Variants in BYSL observed in about 807,000 individuals in gnomAD.
BYSL encodes the protein bystin.
Under a neutral mutation model 45.4 loss-of-function variants are expected in BYSL, and 21 were observed. That is an observed-to-expected ratio of 0.46 (90% confidence interval 0.33 to 0.67). BYSL has a LOEUF of 0.67. BYSL is among the 30% of genes least tolerant of loss of function. The pLI is 0.02. For missense variants in BYSL, 522 were observed against 578.5 expected (o/e 0.90, Z 1.00); for synonymous variants, 215 against 231.3 (o/e 0.93, Z 0.64).
intron 2 of BYSL, among the ~76,000 whole-genome samples, chr6:41,929,809 A>G (rs1775612026): frequency 6.6e-6 from 1 of 152,242 alleles, no homozygotes; most frequent in Non-Finnish European, 1.5e-5. Context: ...AGGTAAAGTA[A>G]CATGCCCAAG....
chr6:41,921,940 T>C (rs1437151463), intron 1 of BYSL, 110 bp downstream of exon 1: 18 of 1,406,408 alleles, frequency 1.3e-5, no homozygotes, highest in Non-Finnish European at 1.6e-5. Flanking sequence ...AAGGGGTCCG[T>C]ATTACACTTG....
At chr6:41,931,014 C>A (rs1356818149) in intron 4 of BYSL, among the ~76,000 whole-genome samples, 2 of 150,612 alleles carry the variant, frequency 1.3e-5, no homozygotes, top group Non-Finnish European at 3.0e-5. Flanking sequence ...TACTGGGATA[C>A]AACCCTCTGT....
At position 41,932,327 on chromosome 6, in the gene BYSL, C is replaced by T. The variant is rs1425010236; in HGVS notation, c.969-34C>T. On this transcript the variant is annotated intron_variant, in intron 6 of 6. Coordinates refer to ENST00000230340, the MANE Select transcript of BYSL (RefSeq NM_004053.4). The surrounding 1 kb of genome is among the most constrained non-coding windows in gnomAD (Gnocchi z 4.7). ...TAGGATCCTTCTTCCAATGTTTTCCCTGCTTACTCTACCCCACCTCCCTTT... is the reference window on the plus strand; with the variant it reads ...TAGGATCCTTCTTCCAATGTTTTCCTTGCTTACTCTACCCCACCTCCCTTT... 1.9e-6 allele frequency: 3 copies of T among 1,578,528 alleles called. No homozygotes were observed. Among genetic ancestry groups the T allele is most frequent in the East Asian group, 4.5e-5 (2 of 44,650 alleles).
upstream of BYSL, chr6:41,921,426 G>A: frequency 7.9e-7 from 1 of 1,264,450 alleles, no homozygotes; most frequent in Non-Finnish European, 1.1e-6. Flanking sequence ...CGCTGATGGC[G>A]CTTCTGGCCT....
At chr6:41,930,530 G>A (rs1775621947) in intron 3 of BYSL, 105 bp from the exon 4 acceptor site, 1 of 1,408,938 alleles carries the variant, frequency 7.1e-7, no homozygotes, top group Non-Finnish European at 9.6e-7. Flanking sequence ...GTTATTGTGG[G>A]GATGCAATGA....
At chr6:41,909,075 G>A in the BYSL span, 6 of 688,640 alleles carry the variant, frequency 8.7e-6, 1 homozygote, top group South Asian at 4.2e-5. Context: ...TTGGGAGACT[G>A]AGGCGGAAGG....
chr6:41,923,889 C>T (rs979628908), intron 1 of BYSL, among the ~76,000 whole-genome samples: 5 of 152,088 alleles, frequency 3.3e-5, no homozygotes, highest in Admixed American at 2.0e-4. Flanking sequence ...GTGCCTTAAA[C>T]GTGGGAAATT....
the BYSL span, among the ~76,000 whole-genome samples, chr6:41,911,878 G>A: frequency 2.6e-5 from 4 of 151,976 alleles, no homozygotes; most frequent in African/African-American, 7.3e-5. Context: ...ATCCAAAGCC[G>A]ACCTCGTCAT....
At chr6:41,913,620 C>T in the BYSL span, among the ~76,000 whole-genome samples, 3 of 152,164 alleles carry the variant, frequency 2.0e-5, no homozygotes, top group African/African-American at 7.2e-5. Context: ...ACATGACAGG[C>T]TGGGTGCAGT....
intron 1 of BYSL, 93 bp downstream of exon 1, chr6:41,921,923 G>C (rs1273009451): frequency 1.4e-6 from 2 of 1,455,352 alleles, no homozygotes; most frequent in Admixed American, 2.4e-5. Flanking sequence ...ATTGCTTCGA[G>C]TCAACAAAGG....
At chr6:41,912,199 C>CTTTTTT in the BYSL span, among the ~76,000 whole-genome samples, 2 of 119,294 alleles carry the variant, frequency 1.7e-5, no homozygotes, top group African/African-American at 3.5e-5. Context: ...CCATGCCCAC[C>CTTTTTT]TTTTTTTTTT....
Position 41,930,684 on chromosome 6 carries a change from T to A in BYSL, c.620T>A (p.Ile207Asn). The A allele has an allele frequency of 6.2e-7, 1 of 1,614,120 alleles. No homozygotes were observed. Among genetic ancestry groups the A allele is most frequent in the Non-Finnish European group, 8.5e-7 (1 of 1,179,984 alleles). Residue 207 changes from isoleucine (I) to asparagine (N), a missense_variant, in exon 4 of 7, where the codon ATC becomes AAC. Physicochemically the swap from Ile to Asn is moderately radical, Grantham distance 149. Coordinates refer to ENST00000230340, the MANE Select transcript of BYSL (RefSeq NM_004053.4). ...SGKLPKAFKI[I>N]PALSNWEQIL... ...AAACTGCCCAAGGCATTTAAGATCA[T>A]CCCTGCACTCTCCAACTGGGAGCAA...
the BYSL span, among the ~76,000 whole-genome samples, chr6:41,915,735 C>T: frequency 6.6e-6 from 1 of 150,376 alleles, no homozygotes; most frequent in Non-Finnish European, 1.5e-5. Flanking sequence ...TGCAGTGAGC[C>T]GAGATTGCGC....
At chr6:41,917,845 G>T, upstream of BYSL, 1 of 466,346 alleles carries the variant, frequency 2.1e-6, no homozygotes, top group Non-Finnish European at 4.5e-6. Context: ...GCCACAGGTG[G>T]CTGGGACTAG....
intron 1 of BYSL, 95 bp downstream of exon 1, chr6:41,921,925 C>G (rs945995039): frequency 6.9e-7 from 1 of 1,450,882 alleles, no homozygotes; most frequent in African/African-American, 1.4e-5. Flanking sequence ...TGCTTCGAGT[C>G]AACAAAGGGG....
chr6:41,932,533 T>G lies in BYSL; in HGVS notation c.1141T>G (p.Cys381Gly). ...TGAACTGCCTGTGCTGTGGCACCAGTGCCTCCTGACTTTGGTCCAGCGCTA... is the reference window on the plus strand; with the variant it reads ...TGAACTGCCTGTGCTGTGGCACCAGGGCCTCCTGACTTTGGTCCAGCGCTA... Reference protein sequence around the residue: ...KRELPVLWHQCLLTLVQRYKA... With the variant: ...KRELPVLWHQGLLTLVQRYKA... The change falls in exon 7 of 7, where the codon TGC (cysteine) becomes GGC (glycine). Residue 381 changes from cysteine to glycine, a missense_variant. By Grantham distance (159) the Cys-to-Gly change is radical. Transcript: ENST00000230340. This position sits in a 1 kb window ranked among gnomAD's most constrained non-coding sequence, Gnocchi z 4.7. 6.2e-7 allele frequency: 1 copy of G among 1,614,224 alleles called. No individual in the cohort carries two copies. The highest frequency in any genetic ancestry group is 1.1e-5 in the South Asian group (1 of 91,082).
chr6:41,918,296 G>C (rs548916881), upstream of BYSL, among the ~76,000 whole-genome samples: 1 of 151,758 alleles, frequency 6.6e-6, no homozygotes, highest in African/African-American at 2.4e-5. Flanking sequence ...TTGAGGTCAG[G>C]AGTTCGAGAC....
intron 1 of BYSL, among the ~76,000 whole-genome samples, chr6:41,926,633 T>C (rs1775567581): frequency 6.6e-6 from 1 of 151,136 alleles, no homozygotes; most frequent in African/African-American, 2.4e-5. Context: ...GTATTTTTAG[T>C]AGAGATGGGG....
chr6:41,913,769 G>A, the BYSL span, among the ~76,000 whole-genome samples: 12 of 152,024 alleles, frequency 7.9e-5, no homozygotes, highest in South Asian at 4.1e-4. Context: ...GTGGTGGAGC[G>A]CACCTGTAGT....
Sources: allele counts gnomAD v4.1 joint callset (sites outside exome capture counted in the v4.1 genomes callset), GRCh38; gene constraint gnomAD v4.1.1; non-coding constraint Gnocchi (gnomAD v3.1); transcripts MANE v1.5; gene names NCBI Gene and HGNC (gene_info 2026-07-23, HGNC 2026-07-21).